Variants in CFAP298 observed in about 807,000 individuals in gnomAD.
CFAP298 encodes cilia and flagella associated protein 298, also known as cilia- and flagella-associated protein 298.
Under a neutral mutation model 41.0 loss-of-function variants are expected in CFAP298, and 38 were observed. The observed-to-expected ratio is 0.93, with a 90% confidence interval of 0.72 to 1.22. CFAP298 has a LOEUF of 1.22. Ranked by LOEUF, CFAP298 falls within the 50% of genes most tolerant of loss-of-function variation. CFAP298 has a pLI of 0.00. For synonymous variants in CFAP298, 137 were observed against 135.3 expected, an observed-to-expected ratio of 1.01 and a Z score of -0.09; for missense variants, 348 against 360.3, an observed-to-expected ratio of 0.97 and a Z score of 0.28.
At chr21:32,606,805 C>T (rs1024050574) in intron 3 of CFAP298, among the ~76,000 whole-genome samples, 1 of 152,232 alleles carries the variant, frequency 6.6e-6, no homozygotes, top group Admixed American at 6.5e-5. Flanking sequence ...ATACAAGCAA[C>T]AGATACAGAT....
intron 1 of CFAP298, among the ~76,000 whole-genome samples, chr21:32,610,718 T>G (rs781176454): frequency 2.6e-5 from 4 of 152,208 alleles, no homozygotes; most frequent in Non-Finnish European, 4.4e-5. Context: ...CACATAAGTT[T>G]CATGAAAAGA....
Position 32,612,323 on chromosome 21 carries a change from G to C in CFAP298, c.-80C>G. 1 of 1,466,104 alleles carries C rather than the reference G, an allele frequency of 6.8e-7. No individual in the cohort carries two copies. The highest frequency in any genetic ancestry group is 9.0e-7 in the Non-Finnish European group (1 of 1,108,246). The allele number at this position is 1,466,104 out of a possible 1,614,324, so 90.8% of individuals were successfully genotyped here. A position where few individuals can be genotyped will look rare whatever the true frequency, so the allele number is the denominator to read the frequency against. ...GGGTCCTGCCGGCCGAGGGTCGCCG[G>C]ATCGCCAGCAGCTGCGACGCACTAA... On this transcript the variant is annotated 5_prime_UTR_variant, in exon 1 of 7. In the 5' UTR this introduces an upstream ATG that the reference lacks. Coordinates refer to ENST00000290155, the MANE Select transcript of CFAP298 (RefSeq NM_021254.4).
chr21:32,610,747 T>C (rs2038970725), intron 1 of CFAP298, among the ~76,000 whole-genome samples: 1 of 152,158 alleles, frequency 6.6e-6, no homozygotes, highest in African/African-American at 2.4e-5. Flanking sequence ...CCTCAGGAAT[T>C]TCTCCACGGT....
chr21:32,610,951 CA>C (rs1247841041), intron 1 of CFAP298, among the ~76,000 whole-genome samples: 2 of 152,044 alleles, frequency 1.3e-5, no homozygotes, highest in Non-Finnish European at 2.9e-5. Flanking sequence ...CCGTCAAGTT[CA>C]AAAACTATGC....
chr21:32,601,058 G>A lies in CFAP298; in HGVS notation c.*805C>T, dbSNP rs1033982163. Among the ~76,000 whole-genome samples the A allele has an allele frequency of 6.6e-6, 1 of 151,474 alleles. No individual in the cohort carries two copies. Among genetic ancestry groups the A allele is most frequent in the African/African-American group, 2.4e-5 (1 of 40,820 alleles). On this transcript the variant is annotated 3_prime_UTR_variant, in exon 7 of 7. Transcript: ENST00000290155. ...TTAAAGAAGGCTACAGTTAGACCCC[G>A]CAGCAGGGTTAAAGAAGGCTACAGT... is the stretch of plus-strand genomic sequence containing the variant.
At chr21:32,608,489 T>G (rs1344003645) in intron 2 of CFAP298, among the ~76,000 whole-genome samples, 1 of 151,798 alleles carries the variant, frequency 6.6e-6, no homozygotes, top group East Asian at 1.9e-4. Context: ...AAACCCTGTC[T>G]CTATGAAAAA....
chr21:32,603,871 T>G (rs1171568639), intron 4 of CFAP298, among the ~76,000 whole-genome samples: 1 of 152,140 alleles, frequency 6.6e-6, no homozygotes, highest in Non-Finnish European at 1.5e-5. Flanking sequence ...GTGGAAATGT[T>G]TGCAGTCACT....
chr21:32,611,522 A>G (rs902433305), intron 1 of CFAP298, among the ~76,000 whole-genome samples: 4 of 151,700 alleles, frequency 2.6e-5, no homozygotes, highest in Non-Finnish European at 5.9e-5. Flanking sequence ...CAGCTGCCCA[A>G]TGGACAGCAC....
intron 2 of CFAP298, among the ~76,000 whole-genome samples, chr21:32,608,794 G>A (rs1269319557): frequency 6.6e-6 from 1 of 151,202 alleles, no homozygotes; most frequent in African/African-American, 2.4e-5. Flanking sequence ...TAAGAAAGCT[G>A]TGGAAGACAA....
rs1165289549 is a variant in CFAP298 at position 32,609,944 on chromosome 21, A to G, written c.201T>C (p.Asp67=). ...TCAATTTCAATTCTTCAATCTGATC[A>G]TCGGTCAGTCCTTGCATATTAGGAG... The part of the protein sequence containing the change: ...FLPPNMQGLT[D]DQIEELKLKD... The change falls in exon 2 of 7, where the codon GAT becomes GAC. Residue 67 remains aspartate, a synonymous_variant. Transcript: ENST00000290155. 2 of 1,613,830 alleles carry G rather than the reference A, an allele frequency of 1.2e-6. No individual in the cohort carries two copies. The highest frequency in any genetic ancestry group is 1.3e-5 in the African/African-American group (1 of 74,866).
chr21:32,611,318 C>CATATATATATATAT (rs71193198), intron 1 of CFAP298, among the ~76,000 whole-genome samples: 47 of 114,836 alleles, frequency 4.1e-4, no homozygotes, highest in Middle Eastern at 4.7e-3. Context: ...ACACACATAC[C>CATATATATATATAT]ATATATATAT....
intron 5 of CFAP298, chr21:32,602,645 A>G (rs1411395257): frequency 6.3e-6 from 8 of 1,279,866 alleles, no homozygotes; most frequent in African/African-American, 3.0e-5. Context: ...TGGGAAAGGG[A>G]GGATGCTCAG....
At chr21:32,602,419 C>T in intron 5 of CFAP298, 52 bp from the exon 6 acceptor site, 1 of 1,581,076 alleles carries the variant, frequency 6.3e-7, no homozygotes. Context: ...CTTAGAGTGA[C>T]AATCCTGAAG....
At position 32,602,495 on chromosome 21, in the gene CFAP298, T is replaced by C. The variant is rs144798054; in HGVS notation, c.667-128A>G. 4.1e-6 allele frequency: 6 copies of C among 1,453,058 alleles called. No individual in the cohort carries two copies. The East Asian group carries it at 1.2e-4, about 30-fold the overall frequency. 90.0% of individuals were successfully genotyped at this position (1,453,058 alleles called of 1,614,324 possible). A position where few individuals can be genotyped will look rare whatever the true frequency, so the allele number is the denominator to read the frequency against. ...AGATAAACAGGTCCCCCATGTCTGA[T>C]CACCCGAAGTGAAGCATCAAGGGAA... On this transcript the variant is annotated intron_variant, in intron 5 of 6. Coordinates refer to ENST00000290155, the MANE Select transcript of CFAP298 (RefSeq NM_021254.4).
In CFAP298 at chr21:32,612,221, C is replaced by T; in HGVS notation, c.23G>A (p.Arg8Gln). MVLLHVK[R>Q]GDESQFLLQA... Reference sequence around the variant, plus strand: ...CAGCAGGAACTGGCTCTCGTCGCCCCGCTTCACGTGCAGCAGAACCATGGC... The same window carrying T: ...CAGCAGGAACTGGCTCTCGTCGCCCTGCTTCACGTGCAGCAGAACCATGGC... The change falls in exon 1 of 7, where the codon CGG (arginine) becomes CAG (glutamine). Residue 8 changes from arginine (R) to glutamine (Q), a missense_variant. Arg to Gln is a conservative substitution (Grantham distance 43). Transcript: ENST00000290155. The T allele has an allele frequency of 6.2e-7, 1 of 1,607,382 alleles. No individual in the cohort carries two copies. Among genetic ancestry groups the T allele is most frequent in the Middle Eastern group, 1.7e-4 (1 of 6,026 alleles).
chr21:32,606,266 G>C (rs1202569973), intron 3 of CFAP298, among the ~76,000 whole-genome samples: 1 of 152,212 alleles, frequency 6.6e-6, no homozygotes, highest in Admixed American at 6.5e-5. Flanking sequence ...ATTCAGGTTG[G>C]AAGTGAAGCA....
intron 2 of CFAP298, among the ~76,000 whole-genome samples, chr21:32,608,113 G>A (rs1183067363): frequency 6.6e-6 from 1 of 151,652 alleles, no homozygotes; most frequent in East Asian, 1.9e-4. Context: ...TGGGGTAGCT[G>A]CGTCTCCTTA....
chr21:32,606,129 G>C (rs913650777), intron 3 of CFAP298, among the ~76,000 whole-genome samples: 5 of 152,198 alleles, frequency 3.3e-5, no homozygotes, highest in Admixed American at 2.6e-4. Flanking sequence ...GCTCATAGGA[G>C]GTGCTGATTC....
chr21:32,603,103 T>C, intron 5 of CFAP298, 58 bp downstream of exon 5: 1 of 1,582,804 alleles, frequency 6.3e-7, no homozygotes, highest in Non-Finnish European at 8.7e-7. Context: ...TGTACATTTT[T>C]ATCAGTTTGA....
Sources: allele counts gnomAD v4.1 joint callset (sites outside exome capture counted in the v4.1 genomes callset), GRCh38; gene constraint gnomAD v4.1.1; transcripts MANE v1.5; gene names NCBI Gene and HGNC (gene_info 2026-07-23, HGNC 2026-07-21).